BTBD17: variants seen among roughly 807,000 people sequenced by gnomAD.
The protein encoded by BTBD17 is BTB domain containing 17.
In BTBD17, 26 loss-of-function variants were observed where a neutral mutation model predicts 36.9. The ratio of observed to expected loss-of-function variants is 0.70; its 90% CI spans 0.52 to 0.98. The LOEUF (loss-of-function observed/expected upper bound fraction) is 0.98. Ranked by LOEUF, BTBD17 falls within the 50% of genes least tolerant of loss-of-function variation. BTBD17 has a pLI of 0.00. For missense variants in BTBD17, 630 were observed against 691.3 expected (o/e 0.91, Z 0.99); for synonymous variants, 341 against 338.0 (o/e 1.01, Z -0.10).
intron 1 of BTBD17, 111 bp from the exon 2 acceptor site, chr17:74,360,356 CA>C (rs773352387): frequency 2.6e-6 from 3 of 1,171,136 alleles, no homozygotes; most frequent in Non-Finnish European, 3.6e-6. Context: ...GAGCAGAGGG[CA>C]AGGTGGGCCT....
At chr17:74,362,395 T>C (rs998458085), upstream of BTBD17, among the ~76,000 whole-genome samples, 2 of 152,140 alleles carry the variant, frequency 1.3e-5, no homozygotes, top group Non-Finnish European at 2.9e-5. Flanking sequence ...AGCTCAGAGA[T>C]CTCTCGAATA....
In BTBD17 at chr17:74,356,456, T is replaced by G; in HGVS notation, c.*201A>C. ...ATCGGTTTATTCAGGACCAAGAACG[T>G]TCCTTCAAGTCAGCTGTGAAATCAG... On this transcript the variant is annotated 3_prime_UTR_variant, in exon 3 of 3. Transcript: ENST00000375366. This position sits in a 1 kb window ranked among gnomAD's most constrained non-coding sequence, Gnocchi z 4.3. 1.2e-6 allele frequency: 1 copy of G among 833,176 alleles called. No homozygotes were observed. The highest frequency in any genetic ancestry group is 1.8e-5 in the African/African-American group (1 of 56,626). 51.6% of individuals were successfully genotyped at this position (833,176 alleles called of 1,614,324 possible). A position where few individuals can be genotyped will look rare whatever the true frequency, so the allele number is the denominator to read the frequency against.
chr17:74,359,226 C>T (rs111337162), intron 2 of BTBD17, among the ~76,000 whole-genome samples: 35 of 151,404 alleles, frequency 2.3e-4, no homozygotes, highest in African/African-American at 7.0e-4. Context: ...AAAAAATATT[C>T]GTCTATAATG....
chr17:74,360,597 G>A (rs1380293192), intron 1 of BTBD17, among the ~76,000 whole-genome samples: 1 of 152,200 alleles, frequency 6.6e-6, no homozygotes, highest in African/African-American at 2.4e-5. Context: ...GAAACTCGTG[G>A]TCCCACCCTT....
At position 74,357,738 on chromosome 17, in the gene BTBD17, G is replaced by A; in HGVS notation, c.363-7C>T. The A allele has an allele frequency of 6.6e-7, 1 of 1,524,536 alleles. No individual in the cohort carries two copies. Among genetic ancestry groups the A allele is most frequent in the Non-Finnish European group, 8.8e-7 (1 of 1,136,594 alleles). 94.4% of individuals were successfully genotyped at this position (1,524,536 alleles called of 1,614,324 possible). A position where few individuals can be genotyped will look rare whatever the true frequency, so the allele number is the denominator to read the frequency against. ...CTCCCCGCAGTACAGGTACCTGCGG[G>A]AGAGACCGAGAGGTGGGGCGGGGTC... On this transcript the variant is annotated splice_polypyrimidine_tract_variant and splice_region_variant and intron_variant, in intron 2 of 2. Coordinates refer to ENST00000375366, the MANE Select transcript of BTBD17 (RefSeq NM_001080466.2). The surrounding 1 kb of genome is among the most constrained non-coding windows in gnomAD (Gnocchi z 8.4).
chr17:74,362,930 G>GA (rs970535605), upstream of BTBD17, among the ~76,000 whole-genome samples: 2 of 151,552 alleles, frequency 1.3e-5, no homozygotes, highest in Admixed American at 6.6e-5. Context: ...ACAGAGAGAG[G>GA]AAAGTGAGTC....
chr17:74,357,550 C>G lies in BTBD17; in HGVS notation c.544G>C (p.Glu182Gln), dbSNP rs1445560846. The change falls in exon 3 of 3, where the codon GAG becomes CAG. Residue 182 changes from glutamate (E) to glutamine (Q), a missense_variant. Coordinates refer to ENST00000375366, the MANE Select transcript of BTBD17 (RefSeq NM_001080466.2). This position sits in a 1 kb window ranked among gnomAD's most constrained non-coding sequence, Gnocchi z 8.4. ...WYHYAVGTGDEALRESCLQFL... is the reference protein window; with the variant it reads ...WYHYAVGTGDQALRESCLQFL... ...TGCAGGCAGCTCTCGCGCAGGGCCT[C>G]GTCCCCGGTGCCCACCGCGTAGTGG... 5 of 1,554,426 alleles carry G rather than the reference C, an allele frequency of 3.2e-6. No homozygotes were observed. The highest frequency in any genetic ancestry group is 1.2e-5 in the South Asian group (1 of 85,648).
chr17:74,357,247 C>A lies in BTBD17; in HGVS notation c.847G>T (p.Ala283Ser). Residue 283 changes from alanine to serine, a missense_variant, in exon 3 of 3, where the codon GCC becomes TCC. Ala to Ser is a moderately conservative substitution (Grantham distance 99). Transcript: ENST00000375366. The surrounding 1 kb of genome is among the most constrained non-coding windows in gnomAD (Gnocchi z 8.4). Reference sequence around the variant, plus strand: ...TGGTAGGCCTGCAGCAGGAGGTCGGCCACCGCGGGGCCGTGGCGCGCCAGG... The same window carrying A: ...TGGTAGGCCTGCAGCAGGAGGTCGGACACCGCGGGGCCGTGGCGCGCCAGG... ...AALARHGPAV[A>S]DLLLQAYQFH... The A allele has an allele frequency of 6.4e-7, 1 of 1,567,386 alleles. No individual in the cohort carries two copies. The highest frequency in any genetic ancestry group is 1.2e-5 in the South Asian group (1 of 85,760).
chr17:74,360,796 A>C (rs963047343), intron 1 of BTBD17, among the ~76,000 whole-genome samples: 12 of 152,228 alleles, frequency 7.9e-5, no homozygotes, highest in African/African-American at 2.9e-4. Flanking sequence ...TCAAACGGGT[A>C]AGACACACAC....
chr17:74,358,576 C>T (rs890978124), intron 2 of BTBD17, among the ~76,000 whole-genome samples: 1 of 142,678 alleles, frequency 7.0e-6, no homozygotes, highest in Non-Finnish European at 1.5e-5. Context: ...CTTGGCCTCT[C>T]AAAGTGCTGG....
At chr17:74,358,387 C>T (rs1325405192) in intron 2 of BTBD17, among the ~76,000 whole-genome samples, 3 of 151,430 alleles carry the variant, frequency 2.0e-5, no homozygotes, top group Non-Finnish European at 4.4e-5. Flanking sequence ...GTAGTCCCAG[C>T]TGCCTGGGAG....
In BTBD17 at chr17:74,357,770, G is replaced by C; in HGVS notation, c.363-39C>G. ...CGAGAGGTGGGGCGGGGTCAGGGCG[G>C]TACCCACCTCCCAGGATAGATTTTT... On this transcript the variant is annotated intron_variant, in intron 2 of 2. Transcript: ENST00000375366. The surrounding 1 kb of genome is among the most constrained non-coding windows in gnomAD (Gnocchi z 8.4). 3 of 1,469,210 alleles carry C rather than the reference G, an allele frequency of 2.0e-6. No homozygotes were observed. The South Asian group carries it at 3.7e-5, about 18-fold the overall frequency. The allele number at this position is 1,469,210 out of a possible 1,614,324, so 91.0% of individuals were successfully genotyped here. A position where few individuals can be genotyped will look rare whatever the true frequency, so the allele number is the denominator to read the frequency against.
chr17:74,358,046 G>A (rs934914501), intron 2 of BTBD17, among the ~76,000 whole-genome samples: 1 of 152,220 alleles, frequency 6.6e-6, no homozygotes, highest in African/African-American at 2.4e-5. Context: ...TTTCCAGTCT[G>A]GTTGGGATCC....
At chr17:74,362,965 C>CGCGTGTGTGTGT (rs112779081), upstream of BTBD17, among the ~76,000 whole-genome samples, 27 of 145,906 alleles carry the variant, frequency 1.9e-4, no homozygotes, top group Non-Finnish European at 3.6e-4. Flanking sequence ...AGCGCGCGCG[C>CGCGTGTGTGTGT]ATGTGTGTGT....
intron 1 of BTBD17, 114 bp from the exon 2 acceptor site, chr17:74,360,359 G>T: frequency 8.7e-7 from 1 of 1,143,156 alleles, no homozygotes; most frequent in Non-Finnish European, 1.2e-6. Flanking sequence ...CAGAGGGCAA[G>T]GTGGGCCTAG....
In BTBD17 at chr17:74,360,111, T is replaced by A; in HGVS notation, c.220A>T (p.Thr74Ser). Reference sequence around the variant, plus strand: ...GCGTGGAATACCCGGACCTCATCGGTGCCCGCAGCCTGCACCCGCAGAACC... The same window carrying A: ...GCGTGGAATACCCGGACCTCATCGGAGCCCGCAGCCTGCACCCGCAGAACC... ...DVVLRVQAAG[T>S]DEVRVFHAHR... Residue 74 changes from threonine (T) to serine (S), a missense_variant, in exon 2 of 3, where the codon ACC becomes TCC. Transcript: ENST00000375366. 1 of 1,613,254 alleles carries A rather than the reference T, an allele frequency of 6.2e-7. No homozygotes were observed. The highest frequency in any genetic ancestry group is 8.5e-7 in the Non-Finnish European group (1 of 1,179,984).
Position 74,357,812 on chromosome 17 carries a change from C to G in BTBD17, c.363-81G>C. ...TAGATTTTTTAGAGTCCACAGGGGA[C>G]CCGGCCTGGAGTTGGAGCTTCACTG... On this transcript the variant is annotated intron_variant, in intron 2 of 2. Transcript: ENST00000375366. The surrounding 1 kb of genome is among the most constrained non-coding windows in gnomAD (Gnocchi z 8.4). 2 of 1,162,942 alleles carry G rather than the reference C, an allele frequency of 1.7e-6. No homozygotes were observed. Among genetic ancestry groups the G allele is most frequent in the Non-Finnish European group, 2.4e-6 (2 of 847,756 alleles). 72.0% of individuals were successfully genotyped at this position (1,162,942 alleles called of 1,614,324 possible).
Position 74,356,483 on chromosome 17 carries a change from T to C in BTBD17, c.*174A>G. 1 of 1,076,768 alleles carries C rather than the reference T, an allele frequency of 9.3e-7. No homozygotes were observed. Among genetic ancestry groups the C allele is most frequent in the Non-Finnish European group, 1.2e-6 (1 of 831,014 alleles). 66.7% of individuals were successfully genotyped at this position (1,076,768 alleles called of 1,614,324 possible). ...CCTTCAAGTCAGCTGTGAAATCAGC[T>C]CTTGAAACCAGGCATCTTGTCTACC... On this transcript the variant is annotated 3_prime_UTR_variant, in exon 3 of 3. Coordinates refer to ENST00000375366, the MANE Select transcript of BTBD17 (RefSeq NM_001080466.2). The surrounding 1 kb of genome is among the most constrained non-coding windows in gnomAD (Gnocchi z 4.3).
At chr17:74,360,388 C>G in intron 1 of BTBD17, 143 bp from the exon 2 acceptor site, 2 of 792,918 alleles carry the variant, frequency 2.5e-6, no homozygotes, top group Non-Finnish European at 4.0e-6. Context: ...TATGTGCATA[C>G]CTGTTTGTGC....
Sources: gnomAD v4.1 joint callset for allele counts (sites outside exome capture counted in the v4.1 genomes callset) on GRCh38, gnomAD v4.1.1 for gene constraint, Gnocchi (gnomAD v3.1) non-coding constraint, MANE v1.5 for transcripts, NCBI Gene and HGNC (gene_info 2026-07-23, HGNC 2026-07-21) for gene names.